Variants in PRCP observed in about 807,000 individuals in gnomAD.
PRCP encodes the protein prolylcarboxypeptidase.
In PRCP, 46 loss-of-function variants were observed where a neutral mutation model predicts 54.2. That is an observed-to-expected ratio of 0.85 (90% CI 0.67 to 1.09). PRCP has a LOEUF of 1.09. Among genes scored for constraint, PRCP ranks in the 50% least tolerant of loss-of-function variants. The probability of loss-of-function intolerance (pLI) is 0.00; values close to 1 mark genes in which losing one functional copy is unlikely to be tolerated. For missense variants in PRCP, 613 were observed against 596.8 expected, an observed-to-expected ratio of 1.03 and a Z score of -0.28; for synonymous variants, 240 against 212.2, an observed-to-expected ratio of 1.13 and a Z score of -1.14.
chr11:82,853,735 C>T (rs553151667), intron 2 of PRCP, among the ~76,000 whole-genome samples: 15 of 152,140 alleles, frequency 9.9e-5, no homozygotes, highest in South Asian at 4.1e-4. Context: ...ATATCCCTGA[C>T]GAAAATAGAT....
intron 6 of PRCP, chr11:82,840,987 A>C (rs191783071): frequency 7.7e-6 from 1 of 129,246 alleles, no homozygotes; most frequent in African/African-American, 2.7e-5. Flanking sequence ...TTGAATCTCT[A>C]TTGACTCTGA....
chr11:82,867,575 C>T lies in PRCP; in HGVS notation c.169-7458G>A, dbSNP rs57465594. ...TCCCACGGCTTCAGGAAGCTTTGTA[C>T]TAGAAGAATTACCGGGCCACAGCTC... On this transcript the variant is annotated intron_variant, in intron 1 of 8. Transcript: ENST00000313010. Among the ~76,000 whole-genome samples, 1,049 of 152,318 alleles carry T rather than the reference C, an allele frequency of 6.9e-3. 11 individuals carry two copies. Among genetic ancestry groups the T allele is most frequent in the African/African-American group, 0.024 (1,008 of 41,570 alleles).
intron 1 of PRCP, among the ~76,000 whole-genome samples, chr11:82,880,626 T>C (rs1391054526): frequency 6.6e-6 from 1 of 152,206 alleles, no homozygotes; most frequent in Non-Finnish European, 1.5e-5. Flanking sequence ...AGCTGTAGAC[T>C]GGAGCTGTTC....
At chr11:82,831,985 T>G (rs1858397208) in intron 8 of PRCP, among the ~76,000 whole-genome samples, 1 of 152,156 alleles carries the variant, frequency 6.6e-6, no homozygotes, top group Non-Finnish European at 1.5e-5. Flanking sequence ...TTTCTGTTCC[T>G]GTGTTAGTTT....
chr11:82,830,653 A>AAAAAAAAAAAAT (rs1565215932), intron 8 of PRCP: 3 of 150,706 alleles, frequency 2.0e-5, no homozygotes, highest in African/African-American at 7.3e-5. Flanking sequence ...AAAAAAAAAA[A>AAAAAAAAAAAAT]AACTACACTC....
chr11:82,830,762 C>T (rs906663003), intron 8 of PRCP: 10 of 148,744 alleles, frequency 6.7e-5, no homozygotes, highest in African/African-American at 2.5e-4. Context: ...TTAAAGTAAA[C>T]TACATAAGGA....
At chr11:82,889,686 G>C (rs977533601) in intron 1 of PRCP, among the ~76,000 whole-genome samples, 19 of 152,170 alleles carry the variant, frequency 1.2e-4, no homozygotes, top group Non-Finnish European at 2.6e-4. Flanking sequence ...TCCAGGCAAA[G>C]GGAACAATGT....
At chr11:82,874,714 A>G (rs1425143651) in intron 1 of PRCP, among the ~76,000 whole-genome samples, 3 of 151,922 alleles carry the variant, frequency 2.0e-5, no homozygotes, top group East Asian at 3.9e-4. Flanking sequence ...AAAAAAGAAA[A>G]AAAAGAAAAC....
chr11:82,900,364 A>T lies in PRCP; in HGVS notation c.39T>A (p.Phe13Leu). The T allele has an allele frequency of 6.2e-7, 1 of 1,614,044 alleles. No homozygotes were observed. The highest frequency in any genetic ancestry group is 2.2e-5 in the East Asian group (1 of 44,890). Reference sequence around the variant, plus strand: ...GGGCTATGGTGGCCCAGGGCGCCAGAAAAGACAGAAGCAGGAGCAGGAGGG... The same window carrying T: ...GGGCTATGGTGGCCCAGGGCGCCAGTAAAGACAGAAGCAGGAGCAGGAGGG... ...RRALLLLLLS[F>L]LAPWATIALR... The change falls in exon 1 of 9, where the codon TTT becomes TTA. Residue 13 changes from phenylalanine to leucine, a missense_variant. Phe to Leu is a conservative substitution (Grantham distance 22, BLOSUM62 0). Coordinates refer to ENST00000313010, the MANE Select transcript of PRCP (RefSeq NM_005040.4).
At chr11:82,900,633 C>T, upstream of PRCP, 1 of 683,962 alleles carries the variant, frequency 1.5e-6, no homozygotes, top group Non-Finnish European at 2.7e-6. Flanking sequence ...CTCGTGCCAT[C>T]TGCTCCTTAG....
intron 8 of PRCP, among the ~76,000 whole-genome samples, chr11:82,834,428 A>T (rs1591037009): frequency 1.3e-5 from 2 of 152,340 alleles, no homozygotes; most frequent in Admixed American, 1.3e-4. Flanking sequence ...TGAGCTGAAG[A>T]GTATAGTTTT....
At chr11:82,842,747 A>G (rs1292305871) in intron 6 of PRCP, among the ~76,000 whole-genome samples, 1 of 152,214 alleles carries the variant, frequency 6.6e-6, no homozygotes, top group Non-Finnish European at 1.5e-5. Flanking sequence ...TATGCTAGAT[A>G]GAAAGCCTGA....
chr11:82,899,563 T>C (rs1478730909), intron 1 of PRCP, among the ~76,000 whole-genome samples: 1 of 152,212 alleles, frequency 6.6e-6, no homozygotes, highest in Non-Finnish European at 1.5e-5. Context: ...GGGGAATGCC[T>C]CATGCTGCAG....
intron 1 of PRCP, among the ~76,000 whole-genome samples, chr11:82,869,067 A>T (rs1859412240): frequency 6.6e-6 from 1 of 151,710 alleles, no homozygotes; most frequent in Non-Finnish European, 1.5e-5. Flanking sequence ...GGAAAAAGAA[A>T]AACCTAGGCC....
chr11:82,877,253 TA>T (rs1174008867), intron 1 of PRCP, among the ~76,000 whole-genome samples: 1 of 152,154 alleles, frequency 6.6e-6, no homozygotes, highest in African/African-American at 2.4e-5. Flanking sequence ...GGAAACAGCA[TA>T]AAAGTTCAGA....
rs183434834 is a variant in PRCP, at chr11:82,884,861, T to C, written c.168+15374A>G. The stretch of plus-strand genomic sequence containing the variant: ...TAATGATTTAGTTGGATAATACATA[T>C]GTGCAACTGCCCAGCAGCAAGGGCC... On this transcript the variant is annotated intron_variant, in intron 1 of 8. Transcript: ENST00000313010. 6.8e-6 allele frequency: 11 copies of C among 1,613,678 alleles called. No homozygotes were observed. The East Asian group carries it at 1.3e-4, about 20-fold the overall frequency.
intron 8 of PRCP, chr11:82,828,446 G>A (rs1858296331): frequency 1.3e-5 from 2 of 152,164 alleles, no homozygotes; most frequent in South Asian, 4.1e-4. Context: ...ACCTGGATCT[G>A]AGTATTCCAC....
chr11:82,842,804 AT>A (rs1388974425), intron 6 of PRCP, among the ~76,000 whole-genome samples: 1 of 152,172 alleles, frequency 6.6e-6, no homozygotes, highest in Admixed American at 6.5e-5. Context: ...CAAATTTAAT[AT>A]GGAAATTTTA....
chr11:82,844,715 A>G (rs1350463900), intron 6 of PRCP, among the ~76,000 whole-genome samples: 2 of 143,586 alleles, frequency 1.4e-5, no homozygotes, highest in Non-Finnish European at 3.0e-5. Context: ...CCTGGGAGAC[A>G]GAGCGAGGCT....
Sources: allele counts gnomAD v4.1 joint callset (sites outside exome capture counted in the v4.1 genomes callset), GRCh38; gene constraint gnomAD v4.1.1; transcripts MANE v1.5; gene names NCBI Gene and HGNC (gene_info 2026-07-23, HGNC 2026-07-21).